Variants in PRDM2 observed in about 807,000 individuals in gnomAD.
PRDM2 encodes the protein PR domain zinc finger protein 2.
A neutral mutation model predicts 130.0 loss-of-function variants in PRDM2; 30 were observed. The ratio of observed to expected loss-of-function variants is 0.23; its 90% confidence interval spans 0.17 to 0.31. The LOEUF is 0.31. PRDM2 is among the 10% of genes least tolerant of loss of function. The pLI, the probability that PRDM2 is intolerant of heterozygous loss-of-function variation, is 1.00. For missense variants in PRDM2, 2,011 were observed against 2,108.4 expected, an observed-to-expected ratio of 0.95 and a Z score of 0.90; for synonymous variants, 871 against 782.4, an observed-to-expected ratio of 1.11 and a Z score of -1.89.
rs150268841 is a variant in PRDM2 at position 13,779,547 on chromosome 1, T to C, written c.1752T>C (p.Asp584=). 1.1e-5 allele frequency: 17 copies of C among 1,614,182 alleles called. No individual in the cohort carries two copies. The African/African-American group carries it at 1.9e-4, about 18-fold the overall frequency. ...CTAATAACAACACTAGTAACTGTGA[T>C]GTGATTGAGATGGAGTCTGCTTCGG... ...IQTNNNTSNC[D]VIEMESASAD... The change falls in exon 8 of 10, where the codon GAT becomes GAC. Residue 584 remains aspartate (D), a synonymous_variant. Transcript: ENST00000311066. This position sits in a 1 kb window ranked among gnomAD's most constrained non-coding sequence, Gnocchi z 4.9.
chr1:13,746,893 T>G (rs1340285798), intron 5 of PRDM2, among the ~76,000 whole-genome samples: 1 of 152,236 alleles, frequency 6.6e-6, no homozygotes, highest in African/African-American at 2.4e-5. Flanking sequence ...AACGAATGTG[T>G]TCCTCTTGAT....
intron 2 of PRDM2, among the ~76,000 whole-genome samples, chr1:13,728,824 C>A (rs954086262): frequency 6.6e-6 from 1 of 152,018 alleles, no homozygotes; most frequent in African/African-American, 2.4e-5. Flanking sequence ...TGTTCTCGGG[C>A]GCTTCAGAAA....
intron 1 of PRDM2, among the ~76,000 whole-genome samples, chr1:13,702,818 A>T (rs1030187630): frequency 2.6e-5 from 4 of 152,146 alleles, no homozygotes; most frequent in Admixed American, 6.5e-5. Context: ...TGCAGAAAAA[A>T]AACCAAAACA....
chr1:13,714,062 G>A (rs1232016454), intron 1 of PRDM2, among the ~76,000 whole-genome samples: 3 of 152,052 alleles, frequency 2.0e-5, no homozygotes, highest in African/African-American at 7.2e-5. Context: ...GTAGAGACGG[G>A]GTTTCACCGT....
At position 13,784,910 on chromosome 1, in the gene PRDM2, C is replaced by G. The variant is rs1178143497; in HGVS notation, c.5036+2079C>G. On this transcript the variant is annotated intron_variant, in intron 8 of 9. Transcript: ENST00000311066. ...TCCAGGGGTCCACTTACCAAGTCAC[C>G]ATAAACCTGTGATGTGTTCTTGGGA... Among the ~76,000 whole-genome samples, 3 of 152,302 alleles carry G rather than the reference C, an allele frequency of 2.0e-5. No homozygotes were observed. In the East Asian group the frequency reaches 5.8e-4, roughly 29 times the overall value.
chr1:13,786,271 TA>T (rs3841673), intron 8 of PRDM2, among the ~76,000 whole-genome samples: 53,910 of 150,486 alleles, frequency 0.36, 10,118 homozygotes, highest in Admixed American at 0.5. Flanking sequence ...GGAATTGATT[TA>T]AAAAAAAAAG....
chr1:13,752,707 T>C lies in PRDM2; in HGVS notation c.511+3220T>C, dbSNP rs543528552. On this transcript the variant is annotated intron_variant, in intron 6 of 9. Coordinates refer to ENST00000311066, the MANE Select transcript of PRDM2 (RefSeq NM_001393986.1). ...CATAAGAGCCTTAACCTGAAGTTCTTTTACCTGGAGAAACAACAGTGGCTT... is the reference window on the plus strand; with the variant it reads ...CATAAGAGCCTTAACCTGAAGTTCTCTTACCTGGAGAAACAACAGTGGCTT... 1.1e-4 allele frequency among the ~76,000 whole-genome samples: 16 copies of C among 152,272 alleles called. No individual in the cohort carries two copies. The South Asian group carries it at 3.1e-3, about 30-fold the overall frequency.
chr1:13,786,716 G>C lies in PRDM2; in HGVS notation c.5036+3885G>C, dbSNP rs916646128. On this transcript the variant is annotated intron_variant, in intron 8 of 9. Coordinates refer to ENST00000311066, the MANE Select transcript of PRDM2 (RefSeq NM_001393986.1). Reference sequence around the variant, plus strand: ...TCAGGCATCTGCTGCTTCGGTGGGGGCCCAACGCGCATGCTGGGCGCCCGG... The same window carrying C: ...TCAGGCATCTGCTGCTTCGGTGGGGCCCCAACGCGCATGCTGGGCGCCCGG... 2.1e-6 allele frequency: 3 copies of C among 1,436,514 alleles called. No individual in the cohort carries two copies. The African/African-American group carries it at 4.3e-5, about 21-fold the overall frequency. 89.0% of individuals were successfully genotyped at this position (1,436,514 alleles called of 1,614,324 possible).
intron 8 of PRDM2, among the ~76,000 whole-genome samples, chr1:13,808,563 T>G (rs1244696523): frequency 6.6e-6 from 1 of 152,036 alleles, no homozygotes; most frequent in Non-Finnish European, 1.5e-5. Context: ...TGCCGGGATT[T>G]TATGGAGGAG....
chr1:13,800,726 C>A (rs1415357587), intron 8 of PRDM2, among the ~76,000 whole-genome samples: 5 of 152,148 alleles, frequency 3.3e-5, no homozygotes. Context: ...TTAAGAAATG[C>A]TTAAATGTAC....
intron 7 of PRDM2, among the ~76,000 whole-genome samples, chr1:13,776,832 T>C (rs1443068352): frequency 6.6e-6 from 1 of 152,136 alleles, no homozygotes; most frequent in Non-Finnish European, 1.5e-5. Flanking sequence ...CGTGGAGTCA[T>C]CTGGGACACA....
rs1337993231 is a variant in PRDM2 at position 13,771,803 on chromosome 1, C to CT, written c.512-1274dup. On this transcript the variant is annotated intron_variant, in intron 6 of 9. Coordinates refer to ENST00000311066, the MANE Select transcript of PRDM2 (RefSeq NM_001393986.1). This position sits in a 1 kb window ranked among gnomAD's most constrained non-coding sequence, Gnocchi z 4.1. ...GTTTTAAGACTAACAAGCAAAATGA[C>CT]TGTTAAGGTTATGTCTCAAATTTTT... 1 of 152,128 alleles carries CT rather than the reference C, an allele frequency of 6.6e-6. No homozygotes were observed. Among genetic ancestry groups the CT allele is most frequent in the Non-Finnish European group, 1.5e-5 (1 of 68,018 alleles). 9.4% of individuals were successfully genotyped at this position (152,128 alleles called of 1,614,324 possible).
In PRDM2 at chr1:13,780,410, A is replaced by G; in HGVS notation, c.2615A>G (p.Gln872Arg). The G allele has an allele frequency of 6.2e-7, 1 of 1,614,254 alleles. No homozygotes were observed. Among genetic ancestry groups the G allele is most frequent in the Non-Finnish European group, 8.5e-7 (1 of 1,180,052 alleles). ...GAATTCAAAGAAAGTCATTCAGTGC[A>G]GCCTACGTGTAGTGCTGTAAAGAAA... ...GKEFKESHSV[Q>R]PTCSAVKKRK... The change falls in exon 8 of 10, where the codon CAG (glutamine) becomes CGG (arginine). Residue 872 changes from glutamine to arginine, a missense_variant. Physicochemically the swap from Gln to Arg is conservative, Grantham distance 43. Around this residue, in one of 5 missense-constraint regions of PRDM2, gnomAD observed 1,288 missense variants for 1,237.7 expected, o/e 1.04. Coordinates refer to ENST00000311066, the MANE Select transcript of PRDM2 (RefSeq NM_001393986.1).
intron 2 of PRDM2, among the ~76,000 whole-genome samples, chr1:13,721,894 ACTTT>A (rs1469191956): frequency 1.3e-5 from 2 of 152,064 alleles, no homozygotes; most frequent in Non-Finnish European, 2.9e-5. Context: ...ATTTGTGTTC[ACTTT>A]CTTATCTGTT....
chr1:13,732,065 C>T (rs1038330925), intron 3 of PRDM2, among the ~76,000 whole-genome samples: 1 of 151,634 alleles, frequency 6.6e-6, no homozygotes, highest in African/African-American at 2.4e-5. Context: ...GTGAGGGAAC[C>T]GATCTAAAGT....
intron 2 of PRDM2, among the ~76,000 whole-genome samples, chr1:13,728,300 C>T (rs1642991402): frequency 6.6e-6 from 1 of 152,190 alleles, no homozygotes; most frequent in African/African-American, 2.4e-5. Context: ...AGGAGGCACA[C>T]AGTAAACACA....
intron 1 of PRDM2, among the ~76,000 whole-genome samples, chr1:13,707,431 C>T (rs535285454): frequency 1.7e-3 from 254 of 152,294 alleles, no homozygotes; most frequent in Non-Finnish European, 3.2e-3. Context: ...GTGAAATGAG[C>T]TATCATATGG....
At chr1:13,790,080 A>T (rs1644815240) in intron 8 of PRDM2, among the ~76,000 whole-genome samples, 1 of 152,094 alleles carries the variant, frequency 6.6e-6, no homozygotes, top group Non-Finnish European at 1.5e-5. Context: ...TCCACACTTC[A>T]CCTGGGGAGC....
rs370369121 is a variant in PRDM2, at chr1:13,806,509, G to A, written c.5037-9918G>A. On this transcript the variant is annotated intron_variant, in intron 8 of 9. Coordinates refer to ENST00000311066, the MANE Select transcript of PRDM2 (RefSeq NM_001393986.1). This position sits in a 1 kb window ranked among gnomAD's most constrained non-coding sequence, Gnocchi z 4.1. ...CCCTCTCCTGCTGTCCTCCCTATGT[G>A]GGATGAATGGAAACGGTCCTGCTTG... Among the ~76,000 whole-genome samples the A allele has an allele frequency of 6.6e-5, 10 of 152,216 alleles. No homozygotes were observed. The South Asian group carries it at 8.3e-4, about 13-fold the overall frequency.
Sources: allele counts gnomAD v4.1 joint callset (sites outside exome capture counted in the v4.1 genomes callset), GRCh38; gene constraint gnomAD v4.1.1; regional missense constraint gnomAD v4.1.1; non-coding constraint Gnocchi (gnomAD v3.1); transcripts MANE v1.5; gene names NCBI Gene and HGNC (gene_info 2026-07-23, HGNC 2026-07-21).